Variants in DOCK2 observed in about 807,000 individuals in gnomAD.
The protein encoded by DOCK2 is dedicator of cytokinesis protein 2.
In DOCK2, 87 loss-of-function variants were observed where a neutral mutation model predicts 248.9. The ratio of observed to expected loss-of-function variants is 0.35; its 90% confidence interval spans 0.29 to 0.42. The LOEUF is 0.42. DOCK2 is among the 10% of genes least tolerant of loss of function. The pLI is 1.00. For missense variants in DOCK2, 1,747 were observed against 2,300.2 expected, an observed-to-expected ratio of 0.76 and a Z score of 4.92; for synonymous variants, 805 against 821.6, an observed-to-expected ratio of 0.98 and a Z score of 0.35.
chr5:169,979,948 A>G (rs1777881651), intron 27 of DOCK2, among the ~76,000 whole-genome samples: 1 of 152,174 alleles, frequency 6.6e-6, no homozygotes, highest in Admixed American at 6.5e-5. Flanking sequence ...AGTTTCTCTA[A>G]ACAAGGCTTA....
At chr5:169,927,847 ACC>A (rs1775548122) in intron 27 of DOCK2, among the ~76,000 whole-genome samples, 1 of 152,012 alleles carries the variant, frequency 6.6e-6, no homozygotes, top group Non-Finnish European at 1.5e-5. Flanking sequence ...CAATCTCCTG[ACC>A]TCATGATCCA....
intron 32 of DOCK2, 74 bp from the exon 33 acceptor site, chr5:170,018,885 TC>T: frequency 6.5e-7 from 1 of 1,537,422 alleles, no homozygotes; most frequent in Non-Finnish European, 8.8e-7. Flanking sequence ...TTTTTTTCTT[TC>T]CCCAGGCTTG....
rs1758088120 is a variant in DOCK2 at position 170,082,992 on chromosome 5, A to G, written c.*134A>G. ...AGTTGTCCTTACTTAGAGGAGACAG[A>G]GAGGCCAATCAGGTCCCAGAGCTTG... On this transcript the variant is annotated 3_prime_UTR_variant, in exon 52 of 52. Coordinates refer to ENST00000520908, the MANE Select transcript of DOCK2 (RefSeq NM_004946.3). 6 of 1,151,044 alleles carry G rather than the reference A, an allele frequency of 5.2e-6. No homozygotes were observed. The highest frequency in any genetic ancestry group is 5.0e-6 in the Non-Finnish European group (4 of 799,292). The allele number at this position is 1,151,044 out of a possible 1,614,324, so 71.3% of individuals were successfully genotyped here.
chr5:170,008,411 C>T, intron 30 of DOCK2, 86 bp from the exon 31 acceptor site: 1 of 1,402,930 alleles, frequency 7.1e-7, no homozygotes, highest in Non-Finnish European at 1.0e-6. Flanking sequence ...CTTCTGCCAT[C>T]TTCATAAATT....
At chr5:169,791,044 T>A (rs1766305983) in intron 25 of DOCK2, among the ~76,000 whole-genome samples, 1 of 152,188 alleles carries the variant, frequency 6.6e-6, no homozygotes, top group African/African-American at 2.4e-5. Context: ...TAACACTGAA[T>A]AATGAGTATT....
At chr5:169,667,439 T>A (rs2113267253) in intron 2 of DOCK2, among the ~76,000 whole-genome samples, 1 of 152,316 alleles carries the variant, frequency 6.6e-6, no homozygotes, top group South Asian at 2.1e-4. Context: ...GCTCTGAGGA[T>A]TAAATGAGAG....
chr5:169,967,885 G>A (rs931361655), intron 27 of DOCK2, among the ~76,000 whole-genome samples: 1 of 152,158 alleles, frequency 6.6e-6, no homozygotes, highest in Non-Finnish European at 1.5e-5. Flanking sequence ...GGAGGAGCGA[G>A]AGAAAGGGTG....
At chr5:170,010,891 T>C (rs142032346) in intron 32 of DOCK2, among the ~76,000 whole-genome samples, 1 of 152,356 alleles carries the variant, frequency 6.6e-6, no homozygotes, top group East Asian at 1.9e-4. Flanking sequence ...TGAATGTCCT[T>C]CATTGCCATT....
intron 25 of DOCK2, among the ~76,000 whole-genome samples, chr5:169,792,451 A>ATATATGTGTG: frequency 6.7e-6 from 1 of 149,312 alleles, no homozygotes; most frequent in African/African-American, 2.5e-5. Flanking sequence ...TATTTTATAT[A>ATATATGTGTG]TGTGTGTGTG....
At chr5:169,768,189 C>T (rs1467736746) in intron 25 of DOCK2, among the ~76,000 whole-genome samples, 1 of 152,138 alleles carries the variant, frequency 6.6e-6, no homozygotes, top group Admixed American at 6.5e-5. Flanking sequence ...ATGTGCTCTG[C>T]CAGTTCCACC....
chr5:169,894,836 C>A (rs1426409263), intron 27 of DOCK2, among the ~76,000 whole-genome samples: 4 of 151,944 alleles, frequency 2.6e-5, no homozygotes, highest in African/African-American at 7.3e-5. Flanking sequence ...AGAGTCCATG[C>A]GGGGGTTGTG....
Position 169,654,214 on chromosome 5 carries a change from A to G in DOCK2, c.44-189A>G, listed in dbSNP as rs1757964287. 1.3e-5 allele frequency among the ~76,000 whole-genome samples: 2 copies of G among 152,226 alleles called. 1 individual carries two copies. The highest frequency in any genetic ancestry group is 4.1e-4 in the South Asian group (2 of 4,836). On this transcript the variant is annotated intron_variant, in intron 1 of 51. Transcript: ENST00000520908. The stretch of plus-strand genomic sequence containing the variant: ...TGAGGAAAGGTCAACTTTGGTTAAT[A>G]GAAGGTCTTGGGAGCCAGGCTGAGT...
At chr5:170,068,852 G>A (rs879808436) in intron 45 of DOCK2, among the ~76,000 whole-genome samples, 1 of 152,192 alleles carries the variant, frequency 6.6e-6, no homozygotes, top group African/African-American at 2.4e-5. Context: ...TAGAGACTTT[G>A]CATCTCTAAC....
intron 46 of DOCK2, among the ~76,000 whole-genome samples, chr5:170,070,470 G>A (rs1161309786): frequency 6.6e-6 from 1 of 152,190 alleles, no homozygotes; most frequent in East Asian, 1.9e-4. Context: ...TGCATGTTGT[G>A]TGTCTGTCTG....
chr5:169,695,747 A>G (rs534171116), intron 9 of DOCK2, 56 bp from the exon 10 acceptor site: 2 of 1,603,376 alleles, frequency 1.2e-6, no homozygotes, highest in Admixed American at 1.8e-5. Context: ...TTTCTTGTCT[A>G]CCTTTTTTCC....
chr5:169,934,394 A>G (rs1290168604), intron 27 of DOCK2, among the ~76,000 whole-genome samples: 1 of 152,034 alleles, frequency 6.6e-6, no homozygotes, highest in Non-Finnish European at 1.5e-5. Flanking sequence ...CCACTAATTT[A>G]CCTATCCGCA....
chr5:169,660,633 C>T (rs971872931), intron 2 of DOCK2, among the ~76,000 whole-genome samples: 1 of 152,232 alleles, frequency 6.6e-6, no homozygotes, highest in African/African-American at 2.4e-5. Flanking sequence ...TAGGCAGTGG[C>T]TTCCATGCTA....
chr5:169,671,084 T>C lies in DOCK2; in HGVS notation c.231T>C (p.Thr77=), dbSNP rs377614169. Residue 77 remains threonine, a synonymous_variant, in exon 5 of 52, where the codon ACT becomes ACC. Coordinates refer to ENST00000520908, the MANE Select transcript of DOCK2 (RefSeq NM_004946.3). ...KEVTVEKRRN[T]ENIIPAEIPL... is the part of the protein sequence containing the mutation. Reference sequence around the variant, plus strand: ...TTTCTCCCACCTTAAATAGAAATACTGAGAACATCATTCCTGCAGAAATTC... The same window carrying C: ...TTTCTCCCACCTTAAATAGAAATACCGAGAACATCATTCCTGCAGAAATTC... 2 of 1,613,968 alleles carry C rather than the reference T, an allele frequency of 1.2e-6. No homozygotes were observed. The highest frequency in any genetic ancestry group is 8.5e-7 in the Non-Finnish European group (1 of 1,179,908).
intron 48 of DOCK2, 87 bp from the exon 49 acceptor site, chr5:170,078,888 G>C: frequency 6.6e-7 from 1 of 1,504,456 alleles, no homozygotes; most frequent in Admixed American, 1.8e-5. Context: ...GCAGCCCAAA[G>C]GTCCCCTTCA....
Sources: gnomAD v4.1 joint callset for allele counts (sites outside exome capture counted in the v4.1 genomes callset) on GRCh38, gnomAD v4.1.1 for gene constraint, MANE v1.5 for transcripts, NCBI Gene and HGNC (gene_info 2026-07-23, HGNC 2026-07-21) for gene names.